The following SDK2 variants were observed in gnomAD, a reference collection of about 807,000 sequenced individuals.
The protein encoded by SDK2 is protein sidekick-2.
Under a neutral mutation model 253.9 loss-of-function variants are expected in SDK2, and 105 were observed. That is an observed-to-expected ratio of 0.41 (90% CI 0.35 to 0.49). SDK2 has a LOEUF of 0.49. Among genes scored for constraint, SDK2 ranks in the 20% least tolerant of loss-of-function variants. The pLI, the probability that SDK2 is intolerant of heterozygous loss-of-function variation, is 0.06. For missense variants in SDK2, 2,608 were observed against 3,003.0 expected (o/e 0.87, Z 3.07); for synonymous variants, 1,249 against 1,234.9 (o/e 1.01, Z -0.24).
At chr17:73,555,143 G>A (rs1335097791) in intron 1 of SDK2, among the ~76,000 whole-genome samples, 3 of 152,258 alleles carry the variant, frequency 2.0e-5, no homozygotes, top group African/African-American at 7.2e-5. Context: ...GCTGGGCTAT[G>A]GGCACTTGGT....
In SDK2 at chr17:73,629,456, G is replaced by T. The variant is rs1249682895; in HGVS notation, c.64+14569C>A. 8.5e-5 allele frequency among the ~76,000 whole-genome samples: 13 copies of T among 152,188 alleles called. No homozygotes were observed. The highest frequency in any genetic ancestry group is 2.9e-5 in the Non-Finnish European group (2 of 68,026). On this transcript the variant is annotated intron_variant, in intron 1 of 44. Coordinates refer to ENST00000392650, the MANE Select transcript of SDK2 (RefSeq NM_001144952.2). This position sits in a 1 kb window ranked among gnomAD's most constrained non-coding sequence, Gnocchi z 5.0. ...TGAGGGCAGAAGCCACTTGGGGTGTGGCCAGGTACACTTTGGCCTTAGTGA... is the reference window on the plus strand; with the variant it reads ...TGAGGGCAGAAGCCACTTGGGGTGTTGCCAGGTACACTTTGGCCTTAGTGA...
chr17:73,504,387 G>A (rs979341904), intron 2 of SDK2: 1 of 151,938 alleles, frequency 6.6e-6, no homozygotes, highest in Non-Finnish European at 1.5e-5. Context: ...CAGCACTTTG[G>A]GAGGCTGAGA....
At chr17:73,437,688 A>C in intron 8 of SDK2, 51 bp downstream of exon 8, 7 of 1,396,316 alleles carry the variant, frequency 5.0e-6, no homozygotes, top group Non-Finnish European at 7.1e-6. Context: ...AGGATGGGAG[A>C]GGCTGAAGAT....
At chr17:73,358,971 AGAG>A (rs933992536) in intron 39 of SDK2, among the ~76,000 whole-genome samples, 2 of 151,888 alleles carry the variant, frequency 1.3e-5, no homozygotes, top group African/African-American at 4.8e-5. Context: ...TCCAGCAATG[AGAG>A]GAGTGAGCCA....
chr17:73,644,347 C>T lies in SDK2; in HGVS notation c.-259G>A, dbSNP rs777261050. Among the ~76,000 whole-genome samples the T allele has an allele frequency of 3.4e-4, 52 of 152,198 alleles. No individual in the cohort carries two copies. Among genetic ancestry groups the T allele is most frequent in the Non-Finnish European group, 4.7e-4 (32 of 68,016 alleles). ...GGAGAAAGAGGCCAGGCCGCCCTCT[C>T]GGACTAGGGCGCCTCTCTCCCTTAG... On this transcript the variant is annotated 5_prime_UTR_variant, in exon 1 of 45. Transcript: ENST00000392650. The surrounding 1 kb of genome is among the most constrained non-coding windows in gnomAD (Gnocchi z 6.3).
In SDK2 at chr17:73,395,630, G is replaced by T. The variant is rs2062965252; in HGVS notation, c.3355-238C>A. Among the ~76,000 whole-genome samples the T allele has an allele frequency of 6.6e-6, 1 of 152,204 alleles. No individual in the cohort carries two copies. Among genetic ancestry groups the T allele is most frequent in the African/African-American group, 2.4e-5 (1 of 41,458 alleles). Reference sequence around the variant, plus strand: ...AGAGAAGCAGCATCCTTTCTTTATTGTGTATGTGACAAATCTATTACCCTG... The same window carrying T: ...AGAGAAGCAGCATCCTTTCTTTATTTTGTATGTGACAAATCTATTACCCTG... On this transcript the variant is annotated intron_variant, in intron 24 of 44. Transcript: ENST00000392650. This position sits in a 1 kb window ranked among gnomAD's most constrained non-coding sequence, Gnocchi z 4.3.
intron 1 of SDK2, among the ~76,000 whole-genome samples, chr17:73,537,279 C>T (rs766106676): frequency 2.0e-5 from 3 of 152,148 alleles, no homozygotes; most frequent in Non-Finnish European, 2.9e-5. Context: ...GCCAAATGGC[C>T]GCGTCTGTTA....
chr17:73,599,312 A>G (rs938407218), intron 1 of SDK2, among the ~76,000 whole-genome samples: 1 of 152,178 alleles, frequency 6.6e-6, no homozygotes, highest in Non-Finnish European at 1.5e-5. Context: ...GGGGTGGATC[A>G]CTTGAGGTCA....
chr17:73,524,615 C>T (rs1336028395), intron 1 of SDK2, among the ~76,000 whole-genome samples: 1 of 152,240 alleles, frequency 6.6e-6, no homozygotes. Flanking sequence ...TCCCAGGACC[C>T]CTGTCTGCAG....
At chr17:73,469,676 C>G (rs898495528) in intron 3 of SDK2, among the ~76,000 whole-genome samples, 4 of 152,142 alleles carry the variant, frequency 2.6e-5, no homozygotes, top group African/African-American at 4.8e-5. Context: ...GAGTTCCCCC[C>G]ACCCTGGGTT....
chr17:73,397,084 C>T (rs141744345), intron 24 of SDK2, among the ~76,000 whole-genome samples: 1 of 152,288 alleles, frequency 6.6e-6, no homozygotes, highest in African/African-American at 2.4e-5. Flanking sequence ...TGAGATCTTA[C>T]GTGGAAACAA....
intron 2 of SDK2, among the ~76,000 whole-genome samples, chr17:73,477,531 G>C (rs574446558): frequency 3.3e-5 from 5 of 152,366 alleles, no homozygotes; most frequent in African/African-American, 1.2e-4. Flanking sequence ...TTCCCTGACT[G>C]TAAAATGGGA....
chr17:73,400,850 G>A (rs891227875), intron 21 of SDK2, among the ~76,000 whole-genome samples, 170 bp downstream of exon 21: 6 of 152,016 alleles, frequency 3.9e-5, no homozygotes, highest in Non-Finnish European at 5.9e-5. Context: ...GTTTTACCAC[G>A]TTGGCCAGGC....
chr17:73,481,858 T>A lies in SDK2; in HGVS notation c.225-9640A>T, dbSNP rs2063726810. On this transcript the variant is annotated intron_variant, in intron 2 of 44. Coordinates refer to ENST00000392650, the MANE Select transcript of SDK2 (RefSeq NM_001144952.2). The surrounding 1 kb of genome is among the most constrained non-coding windows in gnomAD (Gnocchi z 4.5). ...TGGGTTTCCAGCTTGCAGGCGGCAGTTGGTGTTCTTGGCTGGCCTCCATAA... is the reference window on the plus strand; with the variant it reads ...TGGGTTTCCAGCTTGCAGGCGGCAGATGGTGTTCTTGGCTGGCCTCCATAA... Among the ~76,000 whole-genome samples the A allele has an allele frequency of 6.6e-6, 1 of 152,168 alleles. No homozygotes were observed. The highest frequency in any genetic ancestry group is 1.5e-5 in the Non-Finnish European group (1 of 68,024).
rs543704095 is a variant in SDK2 at position 73,553,579 on chromosome 17, G to A, written c.65-45982C>T. On this transcript the variant is annotated intron_variant, in intron 1 of 44. Coordinates refer to ENST00000392650, the MANE Select transcript of SDK2 (RefSeq NM_001144952.2). ...GGATAGCACAAGGAAGGACAGGGGG[G>A]GACAGAGAGGTTTGAGGCCCAGGGT... is the stretch of plus-strand genomic sequence containing the variant. 3.9e-4 allele frequency among the ~76,000 whole-genome samples: 60 copies of A among 152,196 alleles called. No homozygotes were observed. The South Asian group carries it at 0.012, about 30-fold the overall frequency.
At chr17:73,415,744 G>A (rs532333625) in intron 17 of SDK2, 67 bp downstream of exon 17, 61 of 1,387,304 alleles carry the variant, frequency 4.4e-5, no homozygotes, top group Non-Finnish European at 5.5e-5. Context: ...CCGTCTTGGC[G>A]TCCCAAAGTG....
chr17:73,391,094 C>A (rs1485610505), intron 28 of SDK2, among the ~76,000 whole-genome samples: 1 of 152,232 alleles, frequency 6.6e-6, no homozygotes, highest in Non-Finnish European at 1.5e-5. Context: ...CCTTGAGACT[C>A]TTTTCCAGCT....
chr17:73,368,267 G>C (rs1016533350), intron 37 of SDK2, 140 bp downstream of exon 37: 1 of 732,758 alleles, frequency 1.4e-6, no homozygotes, highest in Non-Finnish European at 2.0e-6. Context: ...TGTCTCTGGG[G>C]ACCTGGGTAC....
In SDK2 at chr17:73,377,055, G is replaced by A. The variant is rs80251592; in HGVS notation, c.4980+2122C>T. Among the ~76,000 whole-genome samples the A allele has an allele frequency of 2.7e-3, 410 of 152,028 alleles. 16 individuals are homozygous for A. The East Asian group carries it at 0.065, about 24-fold the overall frequency. ...CCACCTGTGGGATGAGGTGCCTTGC[G>A]TCTCTCCTACTCCCCACTTAAGCCA... On this transcript the variant is annotated intron_variant, in intron 36 of 44. Coordinates refer to ENST00000392650, the MANE Select transcript of SDK2 (RefSeq NM_001144952.2).
Sources: allele counts gnomAD v4.1 joint callset (sites outside exome capture counted in the v4.1 genomes callset), GRCh38; gene constraint gnomAD v4.1.1; non-coding constraint Gnocchi (gnomAD v3.1); transcripts MANE v1.5; gene names NCBI Gene and HGNC (gene_info 2026-07-23, HGNC 2026-07-21).